The following MACROD2 variants were observed in gnomAD, a reference collection of about 807,000 sequenced individuals.
MACROD2 encodes the protein mono-ADP ribosylhydrolase 2, also known as ADP-ribose glycohydrolase MACROD2.
Under a neutral mutation model 70.4 loss-of-function variants are expected in MACROD2, and 36 were observed. That is an observed-to-expected ratio of 0.51 (90% confidence interval 0.39 to 0.68). The LOEUF is 0.68. Ranked by LOEUF, MACROD2 falls within the 30% of genes least tolerant of loss-of-function variation. MACROD2 has a pLI of 0.00. For synonymous variants in MACROD2, 172 were observed against 178.8 expected (o/e 0.96, Z 0.30); for missense variants, 496 against 538.4 (o/e 0.92, Z 0.78).
At chr20:14,324,356 A>G (rs891128674) in intron 3 of MACROD2, 1 of 152,528 alleles carries the variant, frequency 6.6e-6, no homozygotes, top group African/African-American at 2.4e-5. Context: ...CTCACAATTC[A>G]GTAGGAAGCT....
rs145006923 is a variant in MACROD2 at position 14,265,274 on chromosome 20, G to A, written c.271+179546G>A. ...TTAGCATAGAAAAGAGTCCCCAGGTGTGAGAATGGGTCCTGGTAAGGGTTG... is the reference window on the plus strand; with the variant it reads ...TTAGCATAGAAAAGAGTCCCCAGGTATGAGAATGGGTCCTGGTAAGGGTTG... On this transcript the variant is annotated intron_variant, in intron 3 of 17. Transcript: ENST00000684519. Among the ~76,000 whole-genome samples, 647 of 152,294 alleles carry A rather than the reference G, an allele frequency of 4.2e-3. 3 individuals are homozygous for A. Among genetic ancestry groups the A allele is most frequent in the Middle Eastern group, 0.014 (4 of 294 alleles).
intron 8 of MACROD2, among the ~76,000 whole-genome samples, chr20:15,823,354 G>T (rs2063962451): frequency 6.7e-6 from 1 of 149,438 alleles, no homozygotes; most frequent in South Asian, 2.2e-4. Context: ...AATCATATTT[G>T]CAAAATAAGA....
At chr20:15,206,988 G>T (rs1038855354) in intron 5 of MACROD2, among the ~76,000 whole-genome samples, 4 of 150,172 alleles carry the variant, frequency 2.7e-5, no homozygotes, top group Admixed American at 2.0e-4. Flanking sequence ...CACCCGCCTC[G>T]GCCTCCCAAA....
chr20:14,087,263 G>A (rs986235132), intron 3 of MACROD2, among the ~76,000 whole-genome samples: 1 of 152,052 alleles, frequency 6.6e-6, no homozygotes, highest in Non-Finnish European at 1.5e-5. Flanking sequence ...AGGTGTGATG[G>A]CGAGTGCCTG....
intron 6 of MACROD2, among the ~76,000 whole-genome samples, chr20:15,314,345 C>T (rs539002932): frequency 6.6e-6 from 1 of 152,134 alleles, no homozygotes; most frequent in Non-Finnish European, 1.5e-5. Context: ...AATCTCGGCA[C>T]TTTGGGAGGC....
At chr20:14,134,816 A>AC (rs2054772701) in intron 3 of MACROD2, among the ~76,000 whole-genome samples, 1 of 151,552 alleles carries the variant, frequency 6.6e-6, no homozygotes. Flanking sequence ...AAAAAAAAAA[A>AC]AAAAAACAGC....
chr20:15,375,998 C>T (rs2045557585), intron 6 of MACROD2, among the ~76,000 whole-genome samples: 1 of 152,060 alleles, frequency 6.6e-6, no homozygotes, highest in Admixed American at 6.6e-5. Flanking sequence ...TCTCAGTGCT[C>T]CTTAAGCATT....
chr20:14,492,760 C>T (rs2084808725), intron 3 of MACROD2, among the ~76,000 whole-genome samples: 1 of 151,976 alleles, frequency 6.6e-6, no homozygotes, highest in Non-Finnish European at 1.5e-5. Context: ...ATTATGCTTT[C>T]TGGTTATTAT....
At chr20:15,968,755 ATATATT>A (rs1336263623) in intron 13 of MACROD2, among the ~76,000 whole-genome samples, 5 of 147,072 alleles carry the variant, frequency 3.4e-5, no homozygotes, top group Non-Finnish European at 6.0e-5. Flanking sequence ...CAAAAAATAC[ATATATT>A]TATATATTAT....
chr20:15,066,111 C>CTTTTTTT (rs576117795), intron 5 of MACROD2, among the ~76,000 whole-genome samples: 1 of 142,646 alleles, frequency 7.0e-6, no homozygotes, highest in Non-Finnish European at 1.5e-5. Context: ...GAGCTGCTTT[C>CTTTTTTT]TTTTTTTTTT....
At chr20:15,032,584 T>C (rs907136986) in intron 5 of MACROD2, among the ~76,000 whole-genome samples, 1 of 152,216 alleles carries the variant, frequency 6.6e-6, no homozygotes, top group Non-Finnish European at 1.5e-5. Context: ...GCTCAATAAT[T>C]GGTCAATTTT....
At chr20:15,784,597 T>G (rs2051888949) in intron 8 of MACROD2, among the ~76,000 whole-genome samples, 1 of 152,146 alleles carries the variant, frequency 6.6e-6, no homozygotes, top group Non-Finnish European at 1.5e-5. Flanking sequence ...TTCCTGATCA[T>G]CTTCTTCTGA....
intron 5 of MACROD2, among the ~76,000 whole-genome samples, chr20:14,906,436 A>G (rs769007023): frequency 6.6e-6 from 1 of 152,104 alleles, no homozygotes; most frequent in Non-Finnish European, 1.5e-5. Context: ...AGAGGTTGCA[A>G]TGAGCTGAGA....
intron 6 of MACROD2, among the ~76,000 whole-genome samples, chr20:15,282,887 C>G (rs1403967197): frequency 6.6e-6 from 1 of 152,130 alleles, no homozygotes; most frequent in Non-Finnish European, 1.5e-5. Context: ...GAAGAAATAC[C>G]TAAAACTGGG....
At chr20:14,277,318 C>T (rs954265185) in intron 3 of MACROD2, among the ~76,000 whole-genome samples, 5 of 152,162 alleles carry the variant, frequency 3.3e-5, no homozygotes, top group Admixed American at 6.5e-5. Context: ...CATGGTGGCA[C>T]GCACCTGTAG....
intron 9 of MACROD2, among the ~76,000 whole-genome samples, chr20:15,879,722 A>G (rs1210284358): frequency 1.3e-5 from 2 of 152,084 alleles, no homozygotes; most frequent in East Asian, 3.9e-4. Context: ...ACATGGAAAG[A>G]GGTTTATCAT....
intron 10 of MACROD2, among the ~76,000 whole-genome samples, chr20:15,913,259 C>A (rs2065262868): frequency 6.6e-6 from 1 of 151,716 alleles, no homozygotes; most frequent in Non-Finnish European, 1.5e-5. Context: ...TTTAAATAAC[C>A]TGGTTGTAGA....
intron 8 of MACROD2, among the ~76,000 whole-genome samples, chr20:15,824,439 T>C (rs1301236075): frequency 6.6e-6 from 1 of 152,198 alleles, no homozygotes; most frequent in Non-Finnish European, 1.5e-5. Context: ...ATTTGTTACT[T>C]TCTAGAATAG....
At chr20:14,217,236 A>G (rs1028604878) in intron 3 of MACROD2, among the ~76,000 whole-genome samples, 5 of 152,132 alleles carry the variant, frequency 3.3e-5, no homozygotes, top group Non-Finnish European at 7.4e-5. Flanking sequence ...GATTTTGTTG[A>G]ATGCTTTTTC....
Sources: gnomAD v4.1 joint callset for allele counts (sites outside exome capture counted in the v4.1 genomes callset) on GRCh38, gnomAD v4.1.1 for gene constraint, MANE v1.5 for transcripts, NCBI Gene and HGNC (gene_info 2026-07-23, HGNC 2026-07-21) for gene names.